MCMBP: variants seen among roughly 807,000 people sequenced by gnomAD.
The protein encoded by MCMBP is mini-chromosome maintenance complex-binding protein.
MCMBP carries 31 observed loss-of-function variants against 81.3 expected under a neutral mutation model. That is an observed-to-expected ratio of 0.38 (90% confidence interval 0.29 to 0.51). The LOEUF (loss-of-function observed/expected upper bound fraction) is 0.51, where lower values mean the gene tolerates loss of function less well. Among genes scored for constraint, MCMBP ranks in the 20% least tolerant of loss-of-function variants. The probability of loss-of-function intolerance (pLI) is 0.87; values close to 1 mark genes in which losing one functional copy is unlikely to be tolerated. For synonymous variants in MCMBP, 267 were observed against 275.9 expected (o/e 0.97, Z 0.32); for missense variants, 645 against 772.1 (o/e 0.84, Z 1.95).
rs578009107 is a variant in MCMBP at position 119,839,039 on chromosome 10, CAAAAAG to C, written c.1243-345_1243-340del. ...CTTTCACCTAACACAAGCTAGCTAG[CAAAAAG>C]AAAATGTTAATTTTACTCTTCAAGA... On this transcript the variant is annotated intron_variant, in intron 11 of 15. Coordinates refer to ENST00000369077, the MANE Select transcript of MCMBP (RefSeq NM_001256378.2). Among the ~76,000 whole-genome samples the C allele has an allele frequency of 1.7e-3, 252 of 152,050 alleles. 1 individual carries two copies. The highest frequency in any genetic ancestry group is 5.5e-3 in the African/African-American group (229 of 41,484).
Position 119,872,683 on chromosome 10 carries a change from C to A in MCMBP, c.-99G>T, listed in dbSNP as rs1461871333. The A allele has an allele frequency of 7.4e-6, 4 of 542,942 alleles. No individual in the cohort carries two copies. The highest frequency in any genetic ancestry group is 6.1e-5 in the African/African-American group (3 of 49,058). The allele number at this position is 542,942 out of a possible 1,614,324, so 33.6% of individuals were successfully genotyped here. On this transcript the variant is annotated 5_prime_UTR_variant, in exon 1 of 16. Coordinates refer to ENST00000369077, the MANE Select transcript of MCMBP (RefSeq NM_001256378.2). ...CCCAGCTCCTCTTCAGCGGCTCGGCCGCTCCTCGCCCGCGTTCGCTCGCGC... is the reference window on the plus strand; with the variant it reads ...CCCAGCTCCTCTTCAGCGGCTCGGCAGCTCCTCGCCCGCGTTCGCTCGCGC...
intron 13 of MCMBP, 122 bp from the exon 14 acceptor site, chr10:119,835,826 G>C: frequency 1.9e-6 from 2 of 1,049,712 alleles, no homozygotes; most frequent in Non-Finnish European, 2.8e-6. Flanking sequence ...ATTATTTAGG[G>C]GGAGGGAATA....
intron 5 of MCMBP, among the ~76,000 whole-genome samples, chr10:119,854,192 C>A (rs1018853483): frequency 6.6e-6 from 1 of 151,890 alleles, no homozygotes; most frequent in African/African-American, 2.4e-5. Context: ...CAGGTGCCCA[C>A]CACCAAGCCC....
chr10:119,831,376 T>C lies in MCMBP; in HGVS notation c.*98A>G. 8 of 1,441,960 alleles carry C rather than the reference T, an allele frequency of 5.5e-6. No individual in the cohort carries two copies. Among genetic ancestry groups the C allele is most frequent in the South Asian group, 5.2e-5 (4 of 76,392 alleles). 89.3% of individuals were successfully genotyped at this position (1,441,960 alleles called of 1,614,324 possible). A position where few individuals can be genotyped will look rare whatever the true frequency, so the allele number is the denominator to read the frequency against. On this transcript the variant is annotated 3_prime_UTR_variant, in exon 16 of 16. Transcript: ENST00000369077. ...TTCAGGAAATGTCACTGGTTTGTGATAGAAATTACCTATAAAACAATGTGG... is the reference window on the plus strand; with the variant it reads ...TTCAGGAAATGTCACTGGTTTGTGACAGAAATTACCTATAAAACAATGTGG...
At chr10:119,854,979 A>C (rs1236985089) in intron 5 of MCMBP, among the ~76,000 whole-genome samples, 7 of 151,782 alleles carry the variant, frequency 4.6e-5, no homozygotes, top group East Asian at 3.8e-4. Context: ...AAAATAAAAT[A>C]AAATCATAAT....
At chr10:119,863,970 T>A (rs1044830134) in intron 1 of MCMBP, among the ~76,000 whole-genome samples, 1 of 151,488 alleles carries the variant, frequency 6.6e-6, no homozygotes, top group Admixed American at 6.6e-5. Flanking sequence ...GGAATTAAGG[T>A]AGCAGATGGA....
At chr10:119,870,460 A>T (rs542669562) in intron 1 of MCMBP, among the ~76,000 whole-genome samples, 1 of 152,042 alleles carries the variant, frequency 6.6e-6, no homozygotes, top group South Asian at 2.1e-4. Context: ...AAAAAAATGC[A>T]TATTTCAAAA....
chr10:119,846,015 G>C (rs1002590299), intron 8 of MCMBP, among the ~76,000 whole-genome samples: 4 of 152,086 alleles, frequency 2.6e-5, no homozygotes, highest in African/African-American at 9.7e-5. Context: ...TTTAAATGTG[G>C]GTGCGTATAT....
intron 5 of MCMBP, 28 bp from the exon 6 acceptor site, chr10:119,853,222 T>C (rs2134377584): frequency 1.3e-6 from 2 of 1,591,948 alleles, no homozygotes; most frequent in Non-Finnish European, 8.6e-7. Context: ...GAAAAGACTA[T>C]CATAAACTGA....
chr10:119,860,747 G>A (rs1018746006), intron 1 of MCMBP, among the ~76,000 whole-genome samples: 1 of 152,166 alleles, frequency 6.6e-6, no homozygotes, highest in Non-Finnish European at 1.5e-5. Flanking sequence ...AAAATTGAAT[G>A]CTTCTCAATC....
chr10:119,858,219 G>A (rs1853119730), intron 4 of MCMBP: 1 of 152,190 alleles, frequency 6.6e-6, no homozygotes, highest in Non-Finnish European at 1.5e-5. Flanking sequence ...TAAAATAGAT[G>A]AGGCTGTCCA....
chr10:119,854,969 A>T lies in MCMBP; in HGVS notation c.430-1775T>A, dbSNP rs919622527. 2.8e-4 allele frequency among the ~76,000 whole-genome samples: 41 copies of T among 145,558 alleles called. No homozygotes were observed. In the Middle Eastern group the frequency reaches 0.021, roughly 74 times the overall value. Reference sequence around the variant, plus strand: ...CTCTGCCTCAAAAAAAAAAAAAAAAAAAATAAAATAAAATCATAATCATAA... The same window carrying T: ...CTCTGCCTCAAAAAAAAAAAAAAAATAAATAAAATAAAATCATAATCATAA... On this transcript the variant is annotated intron_variant, in intron 5 of 15. Transcript: ENST00000369077.
intron 1 of MCMBP, 31 bp downstream of exon 1, chr10:119,872,496 G>T (rs1853724501): frequency 3.4e-6 from 3 of 893,078 alleles, no homozygotes; most frequent in African/African-American, 1.8e-5. Context: ...TCGGCTGCCC[G>T]CCCGGCCCGC....
chr10:119,845,365 A>G (rs981259173), intron 8 of MCMBP, among the ~76,000 whole-genome samples: 13 of 152,226 alleles, frequency 8.5e-5, no homozygotes, highest in Admixed American at 2.6e-4. Context: ...ATCTCAAAAC[A>G]AAACAAAAAT....
Position 119,835,666 on chromosome 10 carries a change from T to C in MCMBP, c.1581A>G (p.Pro527=), listed in dbSNP as rs140316472. ...CQIHLQPQLI[P]PNMEEYMNSL... is the part of the protein sequence containing the mutation. ...TGTTCATGTACTCCTCCATGTTTGG[T>C]GGAATTAGCTGGGGCTGTAAGTGAA... Residue 527 remains proline (P), a synonymous_variant, in exon 14 of 16, where the codon CCA becomes CCG. Transcript: ENST00000369077. 6.2e-7 allele frequency: 1 copy of C among 1,614,108 alleles called. No individual in the cohort carries two copies. Among genetic ancestry groups the C allele is most frequent in the South Asian group, 1.1e-5 (1 of 91,078 alleles).
Position 119,859,171 on chromosome 10 carries a change from A to T in MCMBP, c.155T>A (p.Leu52Gln). ...ENNAPKWVPS[L>Q]NEVPLHYLKP... is the part of the protein sequence containing the mutation. ...CAAATAATGAAGGGGAACTTCGTTC[A>T]GTGATGGTACCTTAAAGGAAAATAA... The change falls in exon 3 of 16, where the codon CTG becomes CAG. Residue 52 changes from leucine (L) to glutamine (Q), a missense_variant. Physicochemically the swap from Leu to Gln is moderately radical, Grantham distance 113. Transcript: ENST00000369077. 1 of 1,613,364 alleles carries T rather than the reference A, an allele frequency of 6.2e-7. No homozygotes were observed. Among genetic ancestry groups the T allele is most frequent in the African/African-American group, 1.3e-5 (1 of 75,022 alleles).
upstream of MCMBP, among the ~76,000 whole-genome samples, chr10:119,873,225 C>T (rs900201599): frequency 1.3e-5 from 2 of 152,222 alleles, no homozygotes. Flanking sequence ...ATCCGCCCAC[C>T]TCCTCTTCGT....
At chr10:119,838,156 A>C (rs1305598909) in intron 12 of MCMBP, among the ~76,000 whole-genome samples, 1 of 151,256 alleles carries the variant, frequency 6.6e-6, no homozygotes, top group African/African-American at 2.4e-5. Flanking sequence ...TCAACATCTA[A>C]TACTACCCTT....
At chr10:119,837,761 C>T (rs1248421822) in intron 12 of MCMBP, among the ~76,000 whole-genome samples, 2 of 151,778 alleles carry the variant, frequency 1.3e-5, no homozygotes, top group Non-Finnish European at 2.9e-5. Context: ...CCAGCCTGGG[C>T]GACAGAGCAA....
Sources: allele counts gnomAD v4.1 joint callset (sites outside exome capture counted in the v4.1 genomes callset), GRCh38; gene constraint gnomAD v4.1.1; transcripts MANE v1.5; gene names NCBI Gene and HGNC (gene_info 2026-07-23, HGNC 2026-07-21).